ANKFN1: variants seen among roughly 807,000 people sequenced by gnomAD.
The protein encoded by ANKFN1 is ankyrin repeat and fibronectin type III domain containing 1.
A neutral mutation model predicts 108.7 loss-of-function variants in ANKFN1; 74 were observed. That is an observed-to-expected ratio of 0.68 (90% CI 0.56 to 0.83). The LOEUF (loss-of-function observed/expected upper bound fraction) is 0.83, where lower values mean the gene tolerates loss of function less well. Among genes scored for constraint, ANKFN1 ranks in the 40% least tolerant of loss-of-function variants. The pLI is 0.00. For synonymous variants in ANKFN1, 547 were observed against 516.2 expected (o/e 1.06, Z -0.81); for missense variants, 1,505 against 1,382.3 (o/e 1.09, Z -1.41).
In ANKFN1 at chr17:56,391,212, CATATATATAT is replaced by C. The variant is rs202114506; in HGVS notation, c.910+16525_910+16534del. On this transcript the variant is annotated intron_variant, in intron 8 of 20. Transcript: ENST00000682825. ...TTTGCAGGGTGAAGGCCCAAGAATA[CATATATATAT>C]ATATATATATATATATATATATATA... Among the ~76,000 whole-genome samples the C allele has an allele frequency of 2.9e-3, 356 of 121,404 alleles. 3 individuals carry two copies. Among genetic ancestry groups the C allele is most frequent in the African/African-American group, 0.013 (331 of 24,722 alleles). 79.6% of individuals were successfully genotyped at this position (121,404 alleles called of 152,430 possible).
chr17:56,063,410 T>A (rs1014680814), intron 4 of ANKFN1, among the ~76,000 whole-genome samples: 1 of 152,094 alleles, frequency 6.6e-6, no homozygotes, highest in Non-Finnish European at 1.5e-5. Flanking sequence ...GGTCTTTTTA[T>A]GAAATCTCTT....
At position 56,446,860 on chromosome 17, in the gene ANKFN1, G is replaced by A. The variant is rs539516645; in HGVS notation, c.1100-2219G>A. Among the ~76,000 whole-genome samples, 27 of 152,158 alleles carry A rather than the reference G, an allele frequency of 1.8e-4. No individual in the cohort carries two copies. The South Asian group carries it at 1.9e-3, about 11-fold the overall frequency. ...GCGGAGGTTGCAGTGAGCTAAGATC[G>A]CACCACTGCACTCCAGCCTAGGCAA... On this transcript the variant is annotated intron_variant, in intron 10 of 20. Transcript: ENST00000682825.
rs148012073 is a variant in ANKFN1, at chr17:56,352,154, G to A, written c.390+1187G>A. On this transcript the variant is annotated intron_variant, in intron 5 of 20. Transcript: ENST00000682825. ...CAGAGGCTCTTCAGTTTAGCAGATTGTGGATAAAACACTTTACCATTCAGC... is the reference window on the plus strand; with the variant it reads ...CAGAGGCTCTTCAGTTTAGCAGATTATGGATAAAACACTTTACCATTCAGC... 3.3e-5 allele frequency among the ~76,000 whole-genome samples: 5 copies of A among 152,316 alleles called. No individual in the cohort carries two copies. The East Asian group carries it at 9.6e-4, about 29-fold the overall frequency.
chr17:56,154,561 G>A (rs1463217412), intron 1 of ANKFN1, among the ~76,000 whole-genome samples: 1 of 149,772 alleles, frequency 6.7e-6, no homozygotes, highest in Non-Finnish European at 1.5e-5. Context: ...ACTGCTTATG[G>A]AACCTCTGAG....
intron 1 of ANKFN1, chr17:56,195,313 G>C (rs529237020): frequency 1.3e-5 from 2 of 152,282 alleles, no homozygotes; most frequent in South Asian, 2.1e-4. Flanking sequence ...TCCCTCTCTA[G>C]ACTCTATGCT....
chr17:56,458,114 T>C, intron 14 of ANKFN1, 135 bp downstream of exon 14: 2 of 718,838 alleles, frequency 2.8e-6, no homozygotes, highest in Non-Finnish European at 4.5e-6. Flanking sequence ...GAAGTTTTCT[T>C]GAGCAGCTGG....
intron 4 of ANKFN1, among the ~76,000 whole-genome samples, chr17:56,085,180 C>CATATATATATATATACATAT (rs1905293503): frequency 1.5e-5 from 2 of 137,718 alleles, no homozygotes; most frequent in African/African-American, 5.6e-5. Context: ...CCCTCCAAAG[C>CATATATATATATATACATAT]ATATATATAT....
chr17:56,254,507 C>T (rs1281077286), intron 3 of ANKFN1, among the ~76,000 whole-genome samples: 4 of 152,198 alleles, frequency 2.6e-5, no homozygotes, highest in Non-Finnish European at 4.4e-5. Context: ...CCAGTATGTC[C>T]TTTCCCTTGG....
chr17:56,132,953 G>A (rs570006781), intron 4 of ANKFN1, among the ~76,000 whole-genome samples: 1 of 152,318 alleles, frequency 6.6e-6, no homozygotes, highest in East Asian at 1.9e-4. Flanking sequence ...TCAGACCATA[G>A]CAAGTCATGA....
intron 4 of ANKFN1, among the ~76,000 whole-genome samples, chr17:56,102,137 A>C (rs534079556): frequency 3.3e-5 from 5 of 152,344 alleles, no homozygotes; most frequent in African/African-American, 1.2e-4. Flanking sequence ...CTATGTGTGT[A>C]CAAAAAAGAA....
At chr17:56,372,255 C>T (rs983408790) in intron 6 of ANKFN1, among the ~76,000 whole-genome samples, 1 of 152,176 alleles carries the variant, frequency 6.6e-6, no homozygotes, top group African/African-American at 2.4e-5. Context: ...CTAGGGTCTT[C>T]CTGGCCATAC....
At chr17:56,133,528 C>CTGTGTGTG (rs10598270) in intron 4 of ANKFN1, among the ~76,000 whole-genome samples, 50 of 146,438 alleles carry the variant, frequency 3.4e-4, no homozygotes, top group Non-Finnish European at 5.4e-4. Context: ...ATGTGTATAC[C>CTGTGTGTG]TGTGTGTGTG....
At chr17:56,153,357 C>T, upstream of ANKFN1, 2 of 905,978 alleles carry the variant, frequency 2.2e-6, no homozygotes, top group Non-Finnish European at 3.6e-6. Flanking sequence ...CTGGACACTC[C>T]TGGAGCCAAG....
chr17:56,288,097 T>G (rs963140279), intron 3 of ANKFN1, among the ~76,000 whole-genome samples: 10 of 152,102 alleles, frequency 6.6e-5, no homozygotes, highest in African/African-American at 1.9e-4. Flanking sequence ...AATTTCCTAA[T>G]TTTTCCACAA....
chr17:56,228,332 A>G (rs1844898207), intron 3 of ANKFN1: 1 of 208,052 alleles, frequency 4.8e-6, no homozygotes, highest in South Asian at 9.0e-5. Flanking sequence ...GTGGTCACAG[A>G]CTGTTTCTTG....
chr17:56,357,427 G>A (rs1016696709), intron 6 of ANKFN1, among the ~76,000 whole-genome samples: 1 of 152,204 alleles, frequency 6.6e-6, no homozygotes, highest in Non-Finnish European at 1.5e-5. Context: ...GGATCTGTAG[G>A]ATGCCAACAC....
chr17:56,329,809 A>T (rs140141953), intron 4 of ANKFN1, among the ~76,000 whole-genome samples: 593 of 152,302 alleles, frequency 3.9e-3, no homozygotes, highest in Middle Eastern at 0.01. Flanking sequence ...GGCCTTCAAG[A>T]AGATATTAGG....
chr17:56,260,496 C>T (rs1190017970), intron 3 of ANKFN1, among the ~76,000 whole-genome samples: 1 of 152,068 alleles, frequency 6.6e-6, no homozygotes, highest in Non-Finnish European at 1.5e-5. Flanking sequence ...CTAACATCTC[C>T]TTTAAAAGGA....
intron 4 of ANKFN1, among the ~76,000 whole-genome samples, chr17:56,348,716 C>T (rs2046168842): frequency 6.6e-6 from 1 of 152,068 alleles, no homozygotes; most frequent in African/African-American, 2.4e-5. Context: ...GTCAGAATGC[C>T]TATTACTAAA....
Sources: gnomAD v4.1 joint callset for allele counts (sites outside exome capture counted in the v4.1 genomes callset) on GRCh38, gnomAD v4.1.1 for gene constraint, MANE v1.5 for transcripts, NCBI Gene and HGNC (gene_info 2026-07-23, HGNC 2026-07-21) for gene names.